Variants in SHANK2 observed in about 807,000 individuals in gnomAD.
The protein encoded by SHANK2 is SH3 and multiple ankyrin repeat domains 2.
Under a neutral mutation model 133.7 loss-of-function variants are expected in SHANK2, and 43 were observed. The ratio of observed to expected loss-of-function variants is 0.32; its 90% CI spans 0.25 to 0.41. SHANK2 has a LOEUF of 0.41. Ranked by LOEUF, SHANK2 falls within the 10% of genes least tolerant of loss-of-function variation. The pLI, the probability that SHANK2 is intolerant of heterozygous loss-of-function variation, is 1.00. For missense variants in SHANK2, 1,994 were observed against 2,235.8 expected, an observed-to-expected ratio of 0.89 and a Z score of 2.18; for synonymous variants, 1,017 against 952.8, an observed-to-expected ratio of 1.07 and a Z score of -1.24.
chr11:70,919,588 G>A (rs1365862956), intron 10 of SHANK2, among the ~76,000 whole-genome samples: 3 of 152,064 alleles, frequency 2.0e-5, no homozygotes, highest in African/African-American at 7.2e-5. Context: ...CACCATGTTG[G>A]CCAGGCTGGT....
At chr11:70,556,873 C>T (rs1433892941) in intron 17 of SHANK2, among the ~76,000 whole-genome samples, 2 of 151,778 alleles carry the variant, frequency 1.3e-5, no homozygotes, top group Non-Finnish European at 2.9e-5. Flanking sequence ...TCGCTCCTGG[C>T]CTCATTTTTT....
intron 4 of SHANK2, among the ~76,000 whole-genome samples, chr11:71,118,334 G>A (rs1156236705): frequency 6.6e-6 from 1 of 152,172 alleles, no homozygotes; most frequent in Non-Finnish European, 1.5e-5. Flanking sequence ...AAATACCTGA[G>A]ACTGGGTAAT....
At chr11:71,165,954 G>A (rs868983097) in intron 2 of SHANK2, among the ~76,000 whole-genome samples, 1 of 152,152 alleles carries the variant, frequency 6.6e-6, no homozygotes, top group Non-Finnish European at 1.5e-5. Flanking sequence ...TCTGCTGAGC[G>A]TGAGTGGAGG....
At chr11:70,842,131 A>G (rs1360064592) in intron 11 of SHANK2, among the ~76,000 whole-genome samples, 1 of 152,226 alleles carries the variant, frequency 6.6e-6, no homozygotes, top group Non-Finnish European at 1.5e-5. Flanking sequence ...CAAATGCAAT[A>G]TTGGCGATAT....
At chr11:71,151,356 G>C (rs1290478431) in intron 2 of SHANK2, among the ~76,000 whole-genome samples, 1 of 152,180 alleles carries the variant, frequency 6.6e-6, no homozygotes, top group Non-Finnish European at 1.5e-5. Context: ...AGCCTGCCGG[G>C]TAGCGGGGTG....
chr11:70,714,944 T>C (rs1181018952), intron 14 of SHANK2, among the ~76,000 whole-genome samples: 3 of 151,554 alleles, frequency 2.0e-5, no homozygotes, highest in Admixed American at 2.0e-4. Flanking sequence ...TAGCTGAAAC[T>C]ATAGGTGTGC....
chr11:71,085,868 A>G (rs1951392974), intron 8 of SHANK2, among the ~76,000 whole-genome samples: 92 of 848 alleles, frequency 0.11, 1 homozygote, highest in Non-Finnish European at 0.13. Flanking sequence ...ATTTTAATAT[A>G]TTATATATTT....
chr11:70,571,153 G>A (rs1201785447), intron 17 of SHANK2: 1 of 152,360 alleles, frequency 6.6e-6, no homozygotes, highest in African/African-American at 2.4e-5. Context: ...GAGGTCAGGA[G>A]TGTCCACTCT....
At chr11:70,502,049 G>A (rs1453880541) in intron 19 of SHANK2, 118 bp from the exon 20 acceptor site, 25 of 1,305,758 alleles carry the variant, frequency 1.9e-5, no homozygotes, top group Non-Finnish European at 2.6e-5. Context: ...ATGGGGCTGC[G>A]GGGCATGCAG....
chr11:70,493,136 G>A (rs2058919226), intron 21 of SHANK2, among the ~76,000 whole-genome samples: 4 of 150,812 alleles, frequency 2.7e-5, no homozygotes, highest in African/African-American at 9.7e-5. Context: ...ATTCTTGTGA[G>A]GGTTAACTAA....
intron 17 of SHANK2, among the ~76,000 whole-genome samples, chr11:70,505,327 G>A (rs2059120496): frequency 6.6e-6 from 1 of 152,192 alleles, no homozygotes; most frequent in Non-Finnish European, 1.5e-5. Context: ...GAGCAGCTGT[G>A]AGTATGAGGT....
chr11:70,717,075 C>A (rs1157275523), intron 14 of SHANK2, among the ~76,000 whole-genome samples: 2 of 152,242 alleles, frequency 1.3e-5, no homozygotes, highest in Non-Finnish European at 2.9e-5. Flanking sequence ...AAGGAGCACA[C>A]CGTCCACTTG....
At chr11:71,237,217 A>C (rs1394510674) in intron 1 of SHANK2, among the ~76,000 whole-genome samples, 1 of 152,198 alleles carries the variant, frequency 6.6e-6, no homozygotes, top group East Asian at 1.9e-4. Flanking sequence ...AGTGGGCAAT[A>C]AGGACTGAGT....
chr11:71,144,682 A>C (rs1952613082), intron 3 of SHANK2, among the ~76,000 whole-genome samples: 1 of 152,232 alleles, frequency 6.6e-6, no homozygotes, highest in African/African-American at 2.4e-5. Context: ...TGTAACAAGA[A>C]AGAAAAAAAA....
intron 17 of SHANK2, among the ~76,000 whole-genome samples, chr11:70,555,749 G>C (rs2059821067): frequency 6.6e-6 from 1 of 152,116 alleles, no homozygotes; most frequent in South Asian, 2.1e-4. Flanking sequence ...CAACAAAAAA[G>C]CGCTACTCCA....
intron 14 of SHANK2, among the ~76,000 whole-genome samples, chr11:70,749,534 A>G (rs1233848231): frequency 1.3e-5 from 2 of 152,220 alleles, no homozygotes; most frequent in Non-Finnish European, 2.9e-5. Context: ...GGAAAATATG[A>G]CCCCATTCTC....
intron 10 of SHANK2, among the ~76,000 whole-genome samples, chr11:70,922,216 A>G (rs559765169): frequency 4.9e-4 from 74 of 152,342 alleles, no homozygotes; most frequent in Non-Finnish European, 9.7e-4. Context: ...GGTCAATAAA[A>G]AATGCACAAA....
chr11:70,482,751 G>A (rs1204040421), intron 25 of SHANK2, among the ~76,000 whole-genome samples: 1 of 152,236 alleles, frequency 6.6e-6, no homozygotes, highest in African/African-American at 2.4e-5. Context: ...TGGCACTCAC[G>A]CGTGGGTCGG....
At position 70,624,438 on chromosome 11, in the gene SHANK2, T is replaced by A. The variant is rs1271519356; in HGVS notation, c.2061+35390A>T. Among the ~76,000 whole-genome samples the A allele has an allele frequency of 6.1e-5, 9 of 148,140 alleles. No homozygotes were observed. The Admixed American group carries it at 6.1e-4, about 10-fold the overall frequency. ...CCCCTCACAGAGAGAGGAACAACCA[T>A]CCCCTCCTGCCTGAGCCAGGATTCA... On this transcript the variant is annotated intron_variant, in intron 17 of 25. Transcript: ENST00000601538.
Sources: gnomAD v4.1 joint callset for allele counts (sites outside exome capture counted in the v4.1 genomes callset) on GRCh38, gnomAD v4.1.1 for gene constraint, MANE v1.5 for transcripts, NCBI Gene and HGNC (gene_info 2026-07-23, HGNC 2026-07-21) for gene names.